The following RUVBL2 variants were observed in gnomAD, a reference collection of about 807,000 sequenced individuals.
RUVBL2 encodes ruvB-like 2.
RUVBL2 carries 9 observed loss-of-function variants against 57.9 expected under a neutral mutation model. That is an observed-to-expected ratio of 0.16 (90% confidence interval 0.09 to 0.27). The LOEUF (loss-of-function observed/expected upper bound fraction) is 0.27, where lower values mean the gene tolerates loss of function less well. Ranked by LOEUF, RUVBL2 falls within the 10% of genes least tolerant of loss-of-function variation. The pLI is 1.00. For missense variants in RUVBL2, 456 were observed against 669.6 expected (o/e 0.68, Z 3.52); for synonymous variants, 278 against 264.6 (o/e 1.05, Z -0.49).
chr19:49,009,212 G>GGC (rs1325356263), intron 6 of RUVBL2, among the ~76,000 whole-genome samples: 1 of 132,308 alleles, frequency 7.6e-6, no homozygotes, highest in African/African-American at 2.8e-5. Context: ...TTATTCACCA[G>GGC]GCGCAGTAGC....
chr19:49,009,585 G>A (rs529864813), intron 6 of RUVBL2, among the ~76,000 whole-genome samples, 191 bp from the exon 7 acceptor site: 15 of 152,316 alleles, frequency 9.8e-5, no homozygotes, highest in Non-Finnish European at 1.6e-4. Context: ...ATGTTCAGCC[G>A]CGGAGCCATC....
chr19:48,999,225 G>T lies in RUVBL2; in HGVS notation c.13-94G>T, dbSNP rs934877455. 7 of 1,313,252 alleles carry T rather than the reference G, an allele frequency of 5.3e-6. No homozygotes were observed. In the South Asian group the frequency reaches 7.1e-5, roughly 13 times the overall value. The allele number at this position is 1,313,252 out of a possible 1,614,324, so 81.3% of individuals were successfully genotyped here. A position where few individuals can be genotyped will look rare whatever the true frequency, so the allele number is the denominator to read the frequency against. On this transcript the variant is annotated intron_variant, in intron 1 of 14. Transcript: ENST00000595090. ...CCCATCGCCTGCCTGTGAGGGGAAG[G>T]AGTGGAAAGGACCATCTCATGGGAG...
In RUVBL2 at chr19:49,004,273, A is replaced by G. The variant is rs1007954778; in HGVS notation, c.124-4A>G. ...ATCACCTCATGTGCGCCTCCCACCC[A>G]CAGGCTTCGCAAGGCATGGTGGGTC... On this transcript the variant is annotated splice_polypyrimidine_tract_variant and splice_region_variant and intron_variant, in intron 3 of 14. Transcript: ENST00000595090. The G allele has an allele frequency of 1.9e-6, 3 of 1,610,758 alleles. No individual in the cohort carries two copies. The highest frequency in any genetic ancestry group is 1.7e-5 in the Admixed American group (1 of 59,958).
intron 6 of RUVBL2, 26 bp from the exon 7 acceptor site, chr19:49,009,750 C>T (rs1006308951): frequency 1.2e-6 from 2 of 1,600,334 alleles, no homozygotes; most frequent in Non-Finnish European, 1.7e-6. Context: ...CTCTGAGCCC[C>T]ATCCCTGGCT....
chr19:49,006,560 C>T (rs542970533), intron 4 of RUVBL2, among the ~76,000 whole-genome samples: 203 of 152,334 alleles, frequency 1.3e-3, no homozygotes, highest in South Asian at 2.9e-3. Flanking sequence ...CAGTTCAGAT[C>T]GCTCAAGATC....
chr19:48,999,254 CAG>C, intron 1 of RUVBL2, 63 bp from the exon 2 acceptor site: 1 of 1,550,672 alleles, frequency 6.4e-7, no homozygotes, highest in Non-Finnish European at 8.9e-7. Context: ...ATGGGAGGGA[CAG>C]AGGAGGGGTT....
intron 4 of RUVBL2, among the ~76,000 whole-genome samples, chr19:49,006,474 C>T (rs2039283159): frequency 6.6e-6 from 1 of 152,238 alleles, no homozygotes; most frequent in African/African-American, 2.4e-5. Flanking sequence ...CACTCCTAAG[C>T]AGGGTGTCAT....
At chr19:49,010,360 G>C (rs535072691) in intron 8 of RUVBL2, 128 bp from the exon 9 acceptor site, 1 of 945,622 alleles carries the variant, frequency 1.1e-6, no homozygotes, top group East Asian at 2.5e-5. Flanking sequence ...GTTTCCAGAT[G>C]ACCCCATTTA....
In RUVBL2 at chr19:49,010,483, C is replaced by CCCACA; in HGVS notation, c.664-5_664-4insCCACA. On this transcript the variant is annotated splice_polypyrimidine_tract_variant and splice_region_variant and intron_variant, in intron 8 of 14. Coordinates refer to ENST00000595090, the MANE Select transcript of RUVBL2 (RefSeq NM_006666.3). The stretch of plus-strand genomic sequence containing the variant: ...CGCCGTTCTTCCCCCACCCCCGCCC[C>CCCACA]ATAGACCAAGTTCGTGCAGTGCCCA... 1.9e-6 allele frequency: 3 copies of CCCACA among 1,575,932 alleles called. No homozygotes were observed. The highest frequency in any genetic ancestry group is 2.6e-6 in the Non-Finnish European group (3 of 1,148,068).
intron 5 of RUVBL2, 70 bp from the exon 6 acceptor site, chr19:49,007,232 G>GCTCATGGA: frequency 6.2e-7 from 1 of 1,608,060 alleles, no homozygotes. Flanking sequence ...TTGTCCCAGA[G>GCTCATGGA]CTCATGGAAG....
In RUVBL2 at chr19:49,000,598, C is replaced by T. The variant is rs544932181; in HGVS notation, c.67+1225C>T. 2.4e-4 allele frequency among the ~76,000 whole-genome samples: 37 copies of T among 151,746 alleles called. 1 individual carries two copies. Among genetic ancestry groups the T allele is most frequent in the Non-Finnish European group, 5.3e-4 (36 of 67,984 alleles). ...AAAGTGCCGAGACTGGGTGCTGTAG[C>T]TCACGCCTGTAATCCCAGCACTTTG... On this transcript the variant is annotated intron_variant, in intron 2 of 14. Transcript: ENST00000595090.
In RUVBL2 at chr19:49,010,074, C is replaced by T. The variant is rs117752118; in HGVS notation, c.663+8C>T. 0.032 allele frequency: 51,849 copies of T among 1,604,228 alleles called. 1,015 individuals carry two copies. The highest frequency in any genetic ancestry group is 0.053 in the Admixed American group (3,135 of 58,680). On this transcript the variant is annotated splice_region_variant and intron_variant, in intron 8 of 14. Transcript: ENST00000595090. ...GACGCTATGGGCTCCCAGGTGCGGC[C>T]GGGACTCCCGGGATCCCCTCGCCCC...
At position 49,007,259 on chromosome 19, in the gene RUVBL2, G is replaced by A. The variant is rs774302554; in HGVS notation, c.396-43G>A. 12 of 1,608,820 alleles carry A rather than the reference G, an allele frequency of 7.5e-6. No individual in the cohort carries two copies. In the Admixed American group the frequency reaches 2.0e-4, roughly 27 times the overall value. On this transcript the variant is annotated intron_variant, in intron 5 of 14. Coordinates refer to ENST00000595090, the MANE Select transcript of RUVBL2 (RefSeq NM_006666.3). The stretch of plus-strand genomic sequence containing the variant: ...TCATGGAAGGTTGTGATTCCCGAGG[G>A]TCCAGGTGTCAGGCTGTCTCCTCAG...
chr19:48,998,168 A>T (rs1017872654), intron 1 of RUVBL2, among the ~76,000 whole-genome samples: 4 of 152,220 alleles, frequency 2.6e-5, no homozygotes, highest in Admixed American at 6.5e-5. Context: ...CTAGCCTGGC[A>T]GGGCTGTTGG....
At chr19:48,998,190 C>G (rs1168579098) in intron 1 of RUVBL2, among the ~76,000 whole-genome samples, 1 of 152,194 alleles carries the variant, frequency 6.6e-6, no homozygotes, top group Non-Finnish European at 1.5e-5. Context: ...CAGAAAGGGC[C>G]TCCCCTAGGG....
At chr19:49,003,440 C>T (rs2039222721) in intron 3 of RUVBL2, 106 bp downstream of exon 3, 3 of 1,017,602 alleles carry the variant, frequency 2.9e-6, no homozygotes, top group Non-Finnish European at 4.5e-6. Flanking sequence ...TCTTCTGGAC[C>T]TTTGGCTACA....
intron 6 of RUVBL2, among the ~76,000 whole-genome samples, chr19:49,008,624 C>G (rs1332651289): frequency 6.6e-6 from 1 of 151,704 alleles, no homozygotes; most frequent in Non-Finnish European, 1.5e-5. Context: ...GGTGGGCGAT[C>G]ACTTGAGATC....
Position 49,010,409 on chromosome 19 carries a change from A to G in RUVBL2, c.664-79A>G. ...ATTTCCTGGAGCTCCAGTCTCCCCC[A>G]GACAGAGGGCTTTAGGGGCCCCCTT... On this transcript the variant is annotated intron_variant, in intron 8 of 14. Coordinates refer to ENST00000595090, the MANE Select transcript of RUVBL2 (RefSeq NM_006666.3). 6 of 1,387,550 alleles carry G rather than the reference A, an allele frequency of 4.3e-6. No homozygotes were observed. In the South Asian group the frequency reaches 7.2e-5, roughly 17 times the overall value. 86.0% of individuals were successfully genotyped at this position (1,387,550 alleles called of 1,614,324 possible).
At chr19:48,993,973 TGA>T (rs1216349110) in intron 1 of RUVBL2, 50 bp downstream of exon 1, 1 of 1,609,416 alleles carries the variant, frequency 6.2e-7, no homozygotes, top group African/African-American at 1.4e-5. Flanking sequence ...GTCTCGAGTT[TGA>T]GAGAGGAGGA....
Sources: gnomAD v4.1 joint callset for allele counts (sites outside exome capture counted in the v4.1 genomes callset) on GRCh38, gnomAD v4.1.1 for gene constraint, MANE v1.5 for transcripts, NCBI Gene and HGNC (gene_info 2026-07-23, HGNC 2026-07-21) for gene names.